NUBPL: variants seen among roughly 807,000 people sequenced by gnomAD.
The protein encoded by NUBPL is iron-sulfur cluster transfer protein NUBPL.
NUBPL carries 31 observed loss-of-function variants against 45.7 expected under a neutral mutation model. That is an observed-to-expected ratio of 0.68 (90% confidence interval 0.51 to 0.92). The LOEUF is 0.92. Ranked by LOEUF, NUBPL falls within the 40% of genes least tolerant of loss-of-function variation. NUBPL has a pLI of 0.00. For synonymous variants in NUBPL, 144 were observed against 140.9 expected, an observed-to-expected ratio of 1.02 and a Z score of -0.15; for missense variants, 401 against 398.7, an observed-to-expected ratio of 1.01 and a Z score of -0.05.
chr14:31,764,457 T>C (rs2038874119), intron 6 of NUBPL, among the ~76,000 whole-genome samples: 1 of 152,194 alleles, frequency 6.6e-6, no homozygotes, highest in Non-Finnish European at 1.5e-5. Flanking sequence ...TAAATGTTTG[T>C]ATTAATTTCT....
intron 7 of NUBPL, among the ~76,000 whole-genome samples, chr14:31,825,617 TCTCCTCCTC>T (rs368736470): frequency 2.0e-5 from 3 of 149,434 alleles, no homozygotes; most frequent in Non-Finnish European, 3.0e-5. Context: ...TTCCTCTTCT[TCTCCTCCTC>T]CTCCTCCTCC....
At chr14:31,821,887 CGTGGA>C (rs1393981867) in intron 7 of NUBPL, among the ~76,000 whole-genome samples, 1 of 152,184 alleles carries the variant, frequency 6.6e-6, no homozygotes, top group Non-Finnish European at 1.5e-5. Context: ...TTTGCAACAA[CGTGGA>C]TGGAACTGGA....
Position 31,850,127 on chromosome 14 carries a change from C to G in NUBPL, c.823C>G (p.Pro275Ala). The G allele has an allele frequency of 1.9e-6, 3 of 1,613,468 alleles. No individual in the cohort carries two copies. The highest frequency in any genetic ancestry group is 2.5e-6 in the Non-Finnish European group (3 of 1,179,450). The change falls in exon 10 of 11, where the codon CCC becomes GCC. Residue 275 changes from proline to alanine, a missense_variant. Transcript: ENST00000281081. ...CTGCTGGGCTCTTTTAGGAGACATT[C>G]CCTTACACCTTAATATAAGGGAAGC... ...TLGLEVLGDI[P>A]LHLNIREASD...
chr14:31,598,718 A>G (rs1193062048), intron 3 of NUBPL, among the ~76,000 whole-genome samples: 2 of 152,216 alleles, frequency 1.3e-5, no homozygotes, highest in African/African-American at 4.8e-5. Flanking sequence ...TGACTTGCAT[A>G]TAAGAGGTTG....
chr14:31,725,252 T>C (rs2037895454), intron 6 of NUBPL, among the ~76,000 whole-genome samples: 1 of 152,104 alleles, frequency 6.6e-6, no homozygotes, highest in Admixed American at 6.6e-5. Context: ...TGTATTATTG[T>C]CTCCATTTTT....
chr14:31,640,732 G>A (rs1002521303), intron 4 of NUBPL, among the ~76,000 whole-genome samples: 26 of 151,560 alleles, frequency 1.7e-4, no homozygotes, highest in African/African-American at 5.3e-4. Flanking sequence ...TACATAATAC[G>A]TGTGCATATT....
chr14:31,756,835 G>C (rs2038676866), intron 6 of NUBPL, among the ~76,000 whole-genome samples: 1 of 151,632 alleles, frequency 6.6e-6, no homozygotes, highest in East Asian at 1.9e-4. Flanking sequence ...TTGGCTGTGG[G>C]TTTGTCATAG....
chr14:31,831,425 T>C (rs55889603), intron 8 of NUBPL, among the ~76,000 whole-genome samples: 4,256 of 152,118 alleles, frequency 0.028, 97 homozygotes, highest in South Asian at 0.052. Context: ...TTCACATTTG[T>C]CAGTACTTTC....
At chr14:31,597,900 A>G (rs781508673) in intron 3 of NUBPL, among the ~76,000 whole-genome samples, 7 of 151,832 alleles carry the variant, frequency 4.6e-5, no homozygotes, top group Non-Finnish European at 8.8e-5. Context: ...CTTGTTATCC[A>G]TAGTAAATTT....
chr14:31,591,669 G>A (rs2034146275), intron 3 of NUBPL, among the ~76,000 whole-genome samples: 1 of 151,880 alleles, frequency 6.6e-6, no homozygotes, highest in South Asian at 2.1e-4. Flanking sequence ...ATATATTATT[G>A]TATAATTATT....
intron 6 of NUBPL, among the ~76,000 whole-genome samples, chr14:31,782,437 T>A (rs2039208561): frequency 6.6e-6 from 1 of 151,576 alleles, no homozygotes; most frequent in Admixed American, 6.6e-5. Context: ...TTGGCACAGT[T>A]CATTTGAAGA....
At chr14:31,630,369 T>C (rs1448602258) in intron 4 of NUBPL, among the ~76,000 whole-genome samples, 1 of 152,188 alleles carries the variant, frequency 6.6e-6, no homozygotes, top group Non-Finnish European at 1.5e-5. Flanking sequence ...CACATATTTG[T>C]TTATTCTTTA....
chr14:31,801,219 C>G (rs1222260980), intron 7 of NUBPL: 2 of 152,244 alleles, frequency 1.3e-5, no homozygotes, highest in Non-Finnish European at 2.9e-5. Flanking sequence ...CCCACAGTCT[C>G]ATCTCCTTTT....
intron 6 of NUBPL, among the ~76,000 whole-genome samples, chr14:31,772,383 C>T (rs2039024183): frequency 6.6e-6 from 1 of 152,150 alleles, no homozygotes; most frequent in South Asian, 2.1e-4. Context: ...CCTTCAATAA[C>T]ATCACCTTCC....
intron 4 of NUBPL, among the ~76,000 whole-genome samples, chr14:31,644,279 A>C (rs2035785396): frequency 6.6e-6 from 1 of 151,962 alleles, no homozygotes; most frequent in Non-Finnish European, 1.5e-5. Flanking sequence ...TTTAAAATGT[A>C]GGTGTTTATT....
intron 4 of NUBPL, among the ~76,000 whole-genome samples, chr14:31,631,982 G>A (rs552140457): frequency 6.6e-6 from 1 of 152,252 alleles, no homozygotes; most frequent in Admixed American, 6.5e-5. Context: ...TCTTAGGGTT[G>A]CCCTTCATCT....
At position 31,666,263 on chromosome 14, in the gene NUBPL, A is replaced by ATATATATATATATATATATATTTATT; in HGVS notation, c.383-7092_383-7091insTATATATATATATATATATATTTATT. On this transcript the variant is annotated intron_variant, in intron 4 of 10. Transcript: ENST00000281081. ...TATATATATATATATATATATATAT[A>ATATATATATATATATATATATTTATT]ATTTTATTTTATTTTTTTTGAGACG... Among the ~76,000 whole-genome samples the ATATATATATATATATATATATTTATT allele has an allele frequency of 5.1e-3, 572 of 111,266 alleles. 52 individuals carry two copies. The highest frequency in any genetic ancestry group is 9.8e-3 in the East Asian group (29 of 2,946). The allele number at this position is 111,266 out of a possible 152,430, so 73.0% of individuals were successfully genotyped here.
At chr14:31,740,905 T>C (rs1367823233) in intron 6 of NUBPL, among the ~76,000 whole-genome samples, 1 of 152,222 alleles carries the variant, frequency 6.6e-6, no homozygotes, top group African/African-American at 2.4e-5. Context: ...TCTACTAATA[T>C]GTCCATCAAA....
At chr14:31,730,374 G>A (rs1158608842) in intron 6 of NUBPL, among the ~76,000 whole-genome samples, 3 of 152,064 alleles carry the variant, frequency 2.0e-5, no homozygotes, top group Non-Finnish European at 4.4e-5. Flanking sequence ...AAAAGGCTGA[G>A]CTTTCAGGGT....
Sources: allele counts gnomAD v4.1 joint callset (sites outside exome capture counted in the v4.1 genomes callset), GRCh38; gene constraint gnomAD v4.1.1; transcripts MANE v1.5; gene names NCBI Gene and HGNC (gene_info 2026-07-23, HGNC 2026-07-21).